The following GABBR2 variants were observed in gnomAD, a reference collection of about 807,000 sequenced individuals.
GABBR2 encodes G-protein coupled receptor 51.
Under a neutral mutation model 105.6 loss-of-function variants are expected in GABBR2, and 23 were observed. The observed-to-expected ratio is 0.22, with a 90% CI of 0.16 to 0.31. GABBR2 has a LOEUF of 0.31. Ranked by LOEUF, GABBR2 falls within the 10% of genes least tolerant of loss-of-function variation. The probability of loss-of-function intolerance (pLI) is 1.00; values close to 1 mark genes in which losing one functional copy is unlikely to be tolerated. For missense variants in GABBR2, 734 were observed against 1,245.5 expected, an observed-to-expected ratio of 0.59 and a Z score of 6.18; for synonymous variants, 478 against 499.7, an observed-to-expected ratio of 0.96 and a Z score of 0.58.
At chr9:98,590,119 A>G (rs1300291313) in intron 1 of GABBR2, among the ~76,000 whole-genome samples, 4 of 152,188 alleles carry the variant, frequency 2.6e-5, no homozygotes, top group Non-Finnish European at 5.9e-5. Flanking sequence ...GCTGGACTAA[A>G]TTACTGCTGC....
At chr9:98,463,614 G>C (rs1213343495) in intron 6 of GABBR2, among the ~76,000 whole-genome samples, 1 of 151,146 alleles carries the variant, frequency 6.6e-6, no homozygotes, top group Non-Finnish European at 1.5e-5. Context: ...TCTCGCTCTC[G>C]CTCTCGCTCT....
chr9:98,362,919 G>C, intron 12 of GABBR2, 82 bp from the exon 13 acceptor site: 3 of 1,256,982 alleles, frequency 2.4e-6, no homozygotes, highest in Non-Finnish European at 1.1e-6. Context: ...GTCATAGGGG[G>C]AACCTGCATC....
At chr9:98,479,635 G>C (rs1826870089) in intron 5 of GABBR2, among the ~76,000 whole-genome samples, 2 of 152,252 alleles carry the variant, frequency 1.3e-5, no homozygotes, top group African/African-American at 4.8e-5. Flanking sequence ...TATCCTCGCT[G>C]CTTGTCTCTT....
chr9:98,333,835 AC>A (rs1385301485), intron 13 of GABBR2, among the ~76,000 whole-genome samples: 1 of 152,190 alleles, frequency 6.6e-6, no homozygotes, highest in African/African-American at 2.4e-5. Flanking sequence ...TTGCTTAACC[AC>A]TAAGGGCTAC....
chr9:98,662,869 A>C (rs72760683), intron 1 of GABBR2, among the ~76,000 whole-genome samples: 16,075 of 152,130 alleles, frequency 0.11, 945 homozygotes, highest in African/African-American at 0.14. Flanking sequence ...AAATCACAAC[A>C]CAGCCAGACA....
intron 1 of GABBR2, among the ~76,000 whole-genome samples, chr9:98,652,198 T>A (rs1830118323): frequency 6.6e-6 from 1 of 152,210 alleles, no homozygotes; most frequent in Non-Finnish European, 1.5e-5. Flanking sequence ...GTTCCTGAGA[T>A]GATAACCACT....
At chr9:98,307,263 G>C (rs1037021858) in intron 14 of GABBR2, among the ~76,000 whole-genome samples, 1 of 152,194 alleles carries the variant, frequency 6.6e-6, no homozygotes, top group African/African-American at 2.4e-5. Flanking sequence ...GGACAGGGTA[G>C]AGGCCAACTA....
intron 5 of GABBR2, among the ~76,000 whole-genome samples, chr9:98,477,708 C>T (rs1826823027): frequency 6.6e-6 from 1 of 152,170 alleles, no homozygotes; most frequent in Non-Finnish European, 1.5e-5. Context: ...AATCTAATTT[C>T]ATCATTTAAT....
At chr9:98,700,583 T>C (rs1300804153) in intron 1 of GABBR2, among the ~76,000 whole-genome samples, 1 of 152,210 alleles carries the variant, frequency 6.6e-6, no homozygotes, top group Non-Finnish European at 1.5e-5. Context: ...TATTCTTTTA[T>C]CTTTCACAGG....
intron 6 of GABBR2, among the ~76,000 whole-genome samples, chr9:98,457,977 C>T (rs934338875): frequency 7.2e-5 from 11 of 152,318 alleles, no homozygotes; most frequent in African/African-American, 2.2e-4. Context: ...GAGAAAATAA[C>T]TTATGCAGAT....
intron 3 of GABBR2, among the ~76,000 whole-genome samples, chr9:98,501,851 GC>G (rs1384273015): frequency 6.6e-6 from 1 of 152,164 alleles, no homozygotes; most frequent in African/African-American, 2.4e-5. Flanking sequence ...GAAATCCATG[GC>G]TTTGAGGGAA....
intron 4 of GABBR2, among the ~76,000 whole-genome samples, chr9:98,482,136 T>C (rs1198556272): frequency 6.6e-6 from 1 of 152,230 alleles, no homozygotes; most frequent in Non-Finnish European, 1.5e-5. Context: ...TTCCTGCAGT[T>C]CATCCATCCC....
chr9:98,534,325 TCTTGGAG>T (rs11275786), intron 3 of GABBR2, among the ~76,000 whole-genome samples: 89,209 of 140,960 alleles, frequency 0.63, 26,447 homozygotes, highest in Middle Eastern at 0.77. Flanking sequence ...AGGTGGGGAG[TCTTGGAG>T]CTTGGAGCTT....
chr9:98,683,804 T>C (rs1356507232), intron 1 of GABBR2, among the ~76,000 whole-genome samples: 1 of 151,782 alleles, frequency 6.6e-6, no homozygotes, highest in Non-Finnish European at 1.5e-5. Context: ...GGTCAGGAGA[T>C]TGAGACCATG....
At chr9:98,556,079 T>C (rs1828579721) in intron 2 of GABBR2, among the ~76,000 whole-genome samples, 1 of 152,136 alleles carries the variant, frequency 6.6e-6, no homozygotes, top group Non-Finnish European at 1.5e-5. Flanking sequence ...ACTCACCCAG[T>C]TGTCACACAA....
At chr9:98,680,973 A>G (rs949701552) in intron 1 of GABBR2, among the ~76,000 whole-genome samples, 5 of 152,218 alleles carry the variant, frequency 3.3e-5, no homozygotes, top group Non-Finnish European at 7.3e-5. Context: ...CATAGTAAAG[A>G]GTTAAATATT....
intron 3 of GABBR2, chr9:98,538,528 G>A: frequency 4.8e-6 from 4 of 839,424 alleles, no homozygotes; most frequent in Non-Finnish European, 5.7e-6. Flanking sequence ...AGCAGCCTCT[G>A]GGTTACCATG....
At chr9:98,496,590 G>A in intron 3 of GABBR2, 76 bp from the exon 4 acceptor site, 1 of 965,346 alleles carries the variant, frequency 1.0e-6, no homozygotes, top group South Asian at 1.3e-5. Context: ...GTCACCCTGG[G>A]GAAGTCAATT....
At chr9:98,590,247 C>T (rs531494990) in intron 1 of GABBR2, among the ~76,000 whole-genome samples, 16 of 152,314 alleles carry the variant, frequency 1.1e-4, no homozygotes, top group Non-Finnish European at 1.3e-4. Context: ...ACCCCTTCCC[C>T]GGGGTGATGG....
Sources: gnomAD v4.1 joint callset for allele counts (sites outside exome capture counted in the v4.1 genomes callset) on GRCh38, gnomAD v4.1.1 for gene constraint, MANE v1.5 for transcripts, NCBI Gene and HGNC (gene_info 2026-07-23, HGNC 2026-07-21) for gene names.